Variants in AKT3 observed in about 807,000 individuals in gnomAD.
AKT3 encodes the protein AKT serine/threonine kinase 3.
In AKT3, 15 loss-of-function variants were observed where a neutral mutation model predicts 65.3. The observed-to-expected ratio is 0.23, with a 90% CI of 0.15 to 0.35. AKT3 has a LOEUF of 0.35. Among genes scored for constraint, AKT3 ranks in the 10% least tolerant of loss-of-function variants. AKT3 has a pLI of 1.00. For synonymous variants in AKT3, 206 were observed against 183.8 expected (o/e 1.12, Z -0.98); for missense variants, 243 against 576.5 (o/e 0.42, Z 5.92).
chr1:243,754,343 C>CTGT (rs1414001760), intron 2 of AKT3, among the ~76,000 whole-genome samples: 1 of 152,186 alleles, frequency 6.6e-6, no homozygotes, highest in Admixed American at 6.5e-5. Context: ...TGTAGAATGC[C>CTGT]TGTATCTGCA....
At chr1:243,734,517 C>G (rs1330369008) in intron 2 of AKT3, among the ~76,000 whole-genome samples, 1 of 151,782 alleles carries the variant, frequency 6.6e-6, no homozygotes, top group Non-Finnish European at 1.5e-5. Context: ...CAAATCTAAA[C>G]ATAGAGAAGG....
intron 2 of AKT3, chr1:243,814,570 T>C (rs903246994): frequency 7.9e-5 from 12 of 152,190 alleles, no homozygotes; most frequent in African/African-American, 2.7e-4. Context: ...AGTCATCCCA[T>C]GATCCTAACA....
At chr1:243,638,144 C>T (rs925554209) in intron 5 of AKT3, among the ~76,000 whole-genome samples, 3 of 152,050 alleles carry the variant, frequency 2.0e-5, no homozygotes, top group African/African-American at 7.2e-5. Context: ...AAAAGCAGTG[C>T]TTTGGAAGGA....
At chr1:243,565,892 TGAA>T (rs1318179932) in intron 9 of AKT3, among the ~76,000 whole-genome samples, 2 of 152,202 alleles carry the variant, frequency 1.3e-5, no homozygotes, top group African/African-American at 4.8e-5. Context: ...TATAAAATGC[TGAA>T]GATCTTTAGT....
intron 12 of AKT3, among the ~76,000 whole-genome samples, chr1:243,536,189 T>C (rs572816929): frequency 3.9e-5 from 6 of 152,294 alleles, no homozygotes; most frequent in African/African-American, 1.2e-4. Flanking sequence ...ATTTACTTTG[T>C]TGATGATTTC....
downstream of AKT3, among the ~76,000 whole-genome samples, chr1:243,498,725 T>C (rs9428576): frequency 0.49 from 74,589 of 152,196 alleles, 19,580 homozygotes; most frequent in African/African-American, 0.69. Context: ...GAAATCCCCA[T>C]GTTAATGATG....
At chr1:243,573,858 GGC>G (rs1674735857) in intron 8 of AKT3, among the ~76,000 whole-genome samples, 1 of 152,040 alleles carries the variant, frequency 6.6e-6, no homozygotes, top group Non-Finnish European at 1.5e-5. Flanking sequence ...CTCTCCAATA[GGC>G]CACTTCTTCA....
Position 243,505,011 on chromosome 1 carries a change from A to C in AKT3, c.*238T>G. On this transcript the variant is annotated 3_prime_UTR_variant, in exon 14 of 14. Transcript: ENST00000673466. ...GTTGCTATAATAGTAAGACAGTAGC[A>C]GCAACAGCATGAGACCTTAGACTGA... is the stretch of plus-strand genomic sequence containing the variant. The C allele has an allele frequency of 2.0e-6, 1 of 492,098 alleles. No homozygotes were observed. The highest frequency in any genetic ancestry group is 5.2e-4 in the Middle Eastern group (1 of 1,914). The allele number at this position is 492,098 out of a possible 1,614,324, so 30.5% of individuals were successfully genotyped here.
intron 2 of AKT3, chr1:243,734,895 A>C (rs1313693513): frequency 6.6e-6 from 1 of 152,118 alleles, no homozygotes; most frequent in Non-Finnish European, 1.5e-5. Flanking sequence ...TTTTCTACTT[A>C]AATTTTTTTT....
chr1:243,770,308 C>T (rs1272402445), intron 2 of AKT3, among the ~76,000 whole-genome samples: 1 of 152,070 alleles, frequency 6.6e-6, no homozygotes, highest in Admixed American at 6.6e-5. Context: ...CCTTAGAGGG[C>T]ATTATCCTAT....
At chr1:243,641,844 G>C (rs1448623388) in intron 5 of AKT3, among the ~76,000 whole-genome samples, 1 of 152,216 alleles carries the variant, frequency 6.6e-6, no homozygotes, top group East Asian at 1.9e-4. Context: ...GCTGAGTTGG[G>C]AGAATTACCT....
chr1:243,539,219 TTCCTCCTCC>T (rs1193621147), intron 12 of AKT3, among the ~76,000 whole-genome samples: 2 of 152,046 alleles, frequency 1.3e-5, no homozygotes, highest in Non-Finnish European at 2.9e-5. Context: ...ATCCCTCCTC[TTCCTCCTCC>T]TCCTCAGCCT....
intron 13 of AKT3, among the ~76,000 whole-genome samples, chr1:243,493,798 CT>C (rs1667158971): frequency 6.6e-6 from 1 of 151,688 alleles, no homozygotes; most frequent in African/African-American, 2.4e-5. Flanking sequence ...TACCAAAGGA[CT>C]CATAGAAGAG....
At chr1:243,837,157 C>G (rs1432233828) in intron 2 of AKT3, among the ~76,000 whole-genome samples, 1 of 151,422 alleles carries the variant, frequency 6.6e-6, no homozygotes, top group Middle Eastern at 3.4e-3. Context: ...CTTGGCTCTA[C>G]TAAAAAAATA....
intron 3 of AKT3, among the ~76,000 whole-genome samples, chr1:243,674,263 T>C (rs145823695): frequency 7.9e-5 from 12 of 152,298 alleles, no homozygotes; most frequent in East Asian, 7.7e-4. Flanking sequence ...AGTGCCAACA[T>C]GTCAAACCAC....
chr1:243,600,080 A>G (rs555248284), intron 8 of AKT3, among the ~76,000 whole-genome samples: 2 of 152,134 alleles, frequency 1.3e-5, no homozygotes, highest in African/African-American at 4.8e-5. Flanking sequence ...AAATAATTAT[A>G]AAGTATCCCT....
In AKT3 at chr1:243,499,906, T is replaced by C; in HGVS notation, c.*5343A>G. On this transcript the variant is annotated 3_prime_UTR_variant, in exon 14 of 14. Coordinates refer to ENST00000673466, the MANE Select transcript of AKT3 (RefSeq NM_005465.7). The stretch of plus-strand genomic sequence containing the variant: ...AGGGTGACACCGCCTCAGCCTGCAG[T>C]GGGGCTGGTCCTCATCAACGCGGGC... 1 of 934,016 alleles carries C rather than the reference T, an allele frequency of 1.1e-6. No individual in the cohort carries two copies. The highest frequency in any genetic ancestry group is 1.7e-6 in the Non-Finnish European group (1 of 586,372). The allele number at this position is 934,016 out of a possible 1,614,324, so 57.9% of individuals were successfully genotyped here.
At chr1:243,650,485 C>T (rs186866461) in intron 4 of AKT3, among the ~76,000 whole-genome samples, 19 of 152,258 alleles carry the variant, frequency 1.2e-4, no homozygotes, top group African/African-American at 4.6e-4. Context: ...TTTGCCCATG[C>T]CTATGTCCTG....
At chr1:243,534,866 G>C (rs1558596055) in intron 12 of AKT3, among the ~76,000 whole-genome samples, 1 of 152,054 alleles carries the variant, frequency 6.6e-6, no homozygotes, top group Non-Finnish European at 1.5e-5. Flanking sequence ...ATAGCATTGA[G>C]TGCACAAATT....
Sources: allele counts gnomAD v4.1 joint callset (sites outside exome capture counted in the v4.1 genomes callset), GRCh38; gene constraint gnomAD v4.1.1; transcripts MANE v1.5; gene names NCBI Gene and HGNC (gene_info 2026-07-23, HGNC 2026-07-21).